The following ULK4 variants were observed in gnomAD, a reference collection of about 807,000 sequenced individuals.
The protein encoded by ULK4 is unc-51 like kinase 4.
A neutral mutation model predicts 160.6 loss-of-function variants in ULK4; 133 were observed. The ratio of observed to expected loss-of-function variants is 0.83; its 90% CI spans 0.72 to 0.96. The LOEUF (loss-of-function observed/expected upper bound fraction) is 0.96, where lower values mean the gene tolerates loss of function less well. Among genes scored for constraint, ULK4 ranks in the 40% least tolerant of loss-of-function variants. The pLI, the probability that ULK4 is intolerant of heterozygous loss-of-function variation, is 0.00. For synonymous variants in ULK4, 534 were observed against 539.8 expected, an observed-to-expected ratio of 0.99 and a Z score of 0.15; for missense variants, 1,580 against 1,499.5, an observed-to-expected ratio of 1.05 and a Z score of -0.89.
intron 30 of ULK4, among the ~76,000 whole-genome samples, chr3:41,635,192 G>C (rs1445096701): frequency 6.6e-6 from 1 of 152,044 alleles, no homozygotes; most frequent in Middle Eastern, 3.2e-3. Flanking sequence ...CTATTTCTAA[G>C]ATCAGTCATG....
At chr3:41,735,969 G>A (rs1172078479) in intron 22 of ULK4, among the ~76,000 whole-genome samples, 3 of 150,912 alleles carry the variant, frequency 2.0e-5, no homozygotes, top group East Asian at 2.0e-4. Context: ...GCGATAGTTT[G>A]CTGAGAATGA....
Position 41,409,629 on chromosome 3 carries a change from G to A in ULK4, c.3493-11365C>T, listed in dbSNP as rs1157391100. On this transcript the variant is annotated intron_variant, in intron 34 of 36. Coordinates refer to ENST00000301831, the MANE Select transcript of ULK4 (RefSeq NM_017886.4). Reference sequence around the variant, plus strand: ...ATAGTCAATAAGAACAGGAAAAGATGCTAAATAGCATTAGTCATCAAGAAA... The same window carrying A: ...ATAGTCAATAAGAACAGGAAAAGATACTAAATAGCATTAGTCATCAAGAAA... 2.0e-5 allele frequency among the ~76,000 whole-genome samples: 3 copies of A among 152,148 alleles called. No homozygotes were observed. The East Asian group carries it at 5.8e-4, about 29-fold the overall frequency.
At chr3:41,703,923 G>A (rs2036774090) in intron 27 of ULK4, among the ~76,000 whole-genome samples, 1 of 151,996 alleles carries the variant, frequency 6.6e-6, no homozygotes, top group Non-Finnish European at 1.5e-5. Context: ...AGAAATATGT[G>A]AGGAAACAAA....
rs2084946761 is a variant in ULK4 at position 41,495,316 on chromosome 3, A to C, written c.3227-32063T>G. Among the ~76,000 whole-genome samples the C allele has an allele frequency of 3.9e-5, 6 of 152,192 alleles. No homozygotes were observed. The South Asian group carries it at 1.2e-3, about 32-fold the overall frequency. ...GATCTCTGACAAACCTGACAAAAACAAGCAATGGGGAAAGGATTCCCTATT... is the reference window on the plus strand; with the variant it reads ...GATCTCTGACAAACCTGACAAAAACCAGCAATGGGGAAAGGATTCCCTATT... On this transcript the variant is annotated intron_variant, in intron 32 of 36. Transcript: ENST00000301831.
At chr3:41,556,059 A>G (rs958877131) in intron 32 of ULK4, among the ~76,000 whole-genome samples, 5 of 152,168 alleles carry the variant, frequency 3.3e-5, no homozygotes, top group Admixed American at 1.3e-4. Flanking sequence ...GAGGATCAGG[A>G]AAAATAACTA....
intron 25 of ULK4, among the ~76,000 whole-genome samples, chr3:41,709,839 C>CAT (rs2037029784): frequency 1.3e-5 from 2 of 152,128 alleles, no homozygotes; most frequent in African/African-American, 4.8e-5. Flanking sequence ...TTGACTTAAA[C>CAT]ACATGTACGT....
intron 35 of ULK4, among the ~76,000 whole-genome samples, chr3:41,298,709 G>A (rs1224210004): frequency 3.3e-5 from 5 of 152,172 alleles, no homozygotes; most frequent in African/African-American, 1.2e-4. Flanking sequence ...TCAAGTCATA[G>A]AGAGTCAAAC....
At chr3:41,777,815 C>T (rs2039684870) in intron 21 of ULK4, among the ~76,000 whole-genome samples, 2 of 141,900 alleles carry the variant, frequency 1.4e-5, no homozygotes, top group African/African-American at 2.7e-5. Context: ...TGTTCTTTTA[C>T]ATTTGCTGAG....
intron 7 of ULK4, among the ~76,000 whole-genome samples, chr3:41,916,440 G>A (rs540562965): frequency 2.2e-4 from 34 of 152,290 alleles, no homozygotes; most frequent in Admixed American, 2.0e-3. Flanking sequence ...CCAGGGTGGA[G>A]TGCAGTGGCA....
At chr3:41,446,924 CA>C (rs201499839) in intron 34 of ULK4, among the ~76,000 whole-genome samples, 80 of 144,452 alleles carry the variant, frequency 5.5e-4, no homozygotes, top group African/African-American at 1.5e-3. Context: ...AAAAACGTAC[CA>C]AAAAAAAAAT....
At chr3:41,887,590 C>A (rs982743448) in intron 16 of ULK4, among the ~76,000 whole-genome samples, 1 of 152,136 alleles carries the variant, frequency 6.6e-6, no homozygotes, top group African/African-American at 2.4e-5. Context: ...GAGGCCGAGG[C>A]AGGTGAATCA....
At chr3:41,655,962 C>G (rs1348012273) in intron 30 of ULK4, among the ~76,000 whole-genome samples, 1 of 152,184 alleles carries the variant, frequency 6.6e-6, no homozygotes, top group Non-Finnish European at 1.5e-5. Context: ...GATGTGGAAG[C>G]TATCTTGTGA....
intron 18 of ULK4, among the ~76,000 whole-genome samples, chr3:41,825,206 G>A (rs890066692): frequency 8.7e-5 from 12 of 138,524 alleles, no homozygotes; most frequent in South Asian, 4.4e-4. Context: ...AAACCACAAA[G>A]ATGGAAAAAA....
At chr3:41,524,025 A>C (rs1274520882) in intron 32 of ULK4, among the ~76,000 whole-genome samples, 2 of 152,236 alleles carry the variant, frequency 1.3e-5, no homozygotes, top group East Asian at 3.8e-4. Context: ...AAGCTAGCCA[A>C]AAAACCCCAT....
At chr3:41,293,881 C>T (rs2079619550) in intron 35 of ULK4, among the ~76,000 whole-genome samples, 1 of 152,196 alleles carries the variant, frequency 6.6e-6, no homozygotes, top group Admixed American at 6.5e-5. Context: ...GACATTTCAT[C>T]TTGTGTCTTG....
At chr3:41,809,562 T>C (rs1428935489) in intron 19 of ULK4, among the ~76,000 whole-genome samples, 3 of 152,326 alleles carry the variant, frequency 2.0e-5, no homozygotes, top group South Asian at 2.1e-4. Context: ...AAAGTAAATA[T>C]AGATAATCAG....
chr3:41,323,676 C>T (rs950206709), intron 35 of ULK4, among the ~76,000 whole-genome samples: 2 of 152,062 alleles, frequency 1.3e-5, no homozygotes, highest in Non-Finnish European at 2.9e-5. Flanking sequence ...CCCGACCCCC[C>T]TCCCAGTGTC....
At chr3:41,397,888 T>C (rs182408784) in intron 35 of ULK4, among the ~76,000 whole-genome samples, 191 bp downstream of exon 35, 102 of 152,292 alleles carry the variant, frequency 6.7e-4, no homozygotes, top group Middle Eastern at 3.4e-3. Context: ...AAAAAGTATG[T>C]ATATATGCAG....
rs543409495 is a variant in ULK4 at position 41,706,436 on chromosome 3, ATAT to A, written c.2635-1134_2635-1132del. ...AAATATATATTAAACAAAATAACAT[ATAT>A]TATTTTATATATGGTAACAAATAGC... On this transcript the variant is annotated intron_variant, in intron 25 of 36. Coordinates refer to ENST00000301831, the MANE Select transcript of ULK4 (RefSeq NM_017886.4). 5.6e-3 allele frequency among the ~76,000 whole-genome samples: 823 copies of A among 146,886 alleles called. 8 individuals carry two copies. The highest frequency in any genetic ancestry group is 0.019 in the African/African-American group (768 of 39,800).
Sources: gnomAD v4.1 joint callset for allele counts (sites outside exome capture counted in the v4.1 genomes callset) on GRCh38, gnomAD v4.1.1 for gene constraint, MANE v1.5 for transcripts, NCBI Gene and HGNC (gene_info 2026-07-23, HGNC 2026-07-21) for gene names.